Variants in ACTL6A observed in about 807,000 individuals in gnomAD.
ACTL6A encodes the protein actin like 6A.
Under a neutral mutation model 59.2 loss-of-function variants are expected in ACTL6A, and 5 were observed. The ratio of observed to expected loss-of-function variants is 0.08; its 90% CI spans 0.04 to 0.18. The LOEUF (loss-of-function observed/expected upper bound fraction) is 0.18, where lower values mean the gene tolerates loss of function less well. Ranked by LOEUF, ACTL6A falls within the 10% of genes least tolerant of loss-of-function variation. The pLI is 1.00. For missense variants in ACTL6A, 285 were observed against 526.9 expected, an observed-to-expected ratio of 0.54 and a Z score of 4.49; for synonymous variants, 154 against 171.8, an observed-to-expected ratio of 0.90 and a Z score of 0.81.
chr3:179,579,130 G>A (rs1021025192), intron 8 of ACTL6A, among the ~76,000 whole-genome samples: 3 of 152,172 alleles, frequency 2.0e-5, no homozygotes, highest in Admixed American at 6.5e-5. Flanking sequence ...TCATTTATCT[G>A]ATGGTCAGTG....
At chr3:179,586,675 A>C (rs1469578746) in intron 13 of ACTL6A, 43 bp downstream of exon 13, 1 of 1,433,084 alleles carries the variant, frequency 7.0e-7, no homozygotes, top group Non-Finnish European at 9.6e-7. Flanking sequence ...TTACTGAATT[A>C]TACTAAATTT....
chr3:179,568,715 A>G (rs1345488428), intron 1 of ACTL6A, among the ~76,000 whole-genome samples: 2 of 152,178 alleles, frequency 1.3e-5, no homozygotes, highest in Non-Finnish European at 2.9e-5. Context: ...ATTATTGCTT[A>G]TCTATTTCCC....
At chr3:179,569,717 G>C in intron 1 of ACTL6A, 107 bp from the exon 2 acceptor site, 1 of 915,248 alleles carries the variant, frequency 1.1e-6, no homozygotes, top group Non-Finnish European at 1.8e-6. Flanking sequence ...TTGGAAGACT[G>C]AGGCGGGAGG....
At chr3:179,584,436 A>C (rs1357596554) in intron 12 of ACTL6A, 1 of 152,220 alleles carries the variant, frequency 6.6e-6, no homozygotes, top group African/African-American at 2.4e-5. Flanking sequence ...CCTGGCCAAC[A>C]TGGTGAAACC....
chr3:179,577,099 T>A (rs1438824275), intron 8 of ACTL6A, among the ~76,000 whole-genome samples, 186 bp downstream of exon 8: 1 of 152,194 alleles, frequency 6.6e-6, no homozygotes, highest in Admixed American at 6.5e-5. Flanking sequence ...GGTCACACTC[T>A]ATATTTTTAA....
In ACTL6A at chr3:179,581,018, C is replaced by G. The variant is rs368276071; in HGVS notation, c.945+10C>G. On this transcript the variant is annotated intron_variant, in intron 10 of 13. Coordinates refer to ENST00000429709, the MANE Select transcript of ACTL6A (RefSeq NM_004301.5). The stretch of plus-strand genomic sequence containing the variant: ...CCCTTCCAATGTAAAGGTATAAAAG[C>G]TTATTTCATAATTAGCCTGGCTTTT... The G allele has an allele frequency of 1.4e-5, 22 of 1,597,068 alleles. No homozygotes were observed. The highest frequency in any genetic ancestry group is 7.9e-5 in the South Asian group (7 of 88,308).
intron 4 of ACTL6A, 114 bp from the exon 5 acceptor site, chr3:179,574,251 GTATTT>G: frequency 2.0e-6 from 1 of 500,810 alleles, no homozygotes; most frequent in South Asian, 3.9e-5. Context: ...ATTTCCCATG[GTATTT>G]TATTCTGTTC....
At chr3:179,575,709 A>G (rs1234109540) in intron 5 of ACTL6A, among the ~76,000 whole-genome samples, 1 of 152,202 alleles carries the variant, frequency 6.6e-6, no homozygotes, top group East Asian at 1.9e-4. Flanking sequence ...TGTGGAATTC[A>G]CCTGGAATAG....
At chr3:179,577,593 AC>A (rs1718205869) in intron 8 of ACTL6A, among the ~76,000 whole-genome samples, 1 of 152,148 alleles carries the variant, frequency 6.6e-6, no homozygotes, top group Admixed American at 6.5e-5. Flanking sequence ...TCCCCCAGGT[AC>A]TAAGCCTAGT....
intron 13 of ACTL6A, among the ~76,000 whole-genome samples, chr3:179,587,396 A>G (rs900245016): frequency 1.3e-5 from 2 of 152,164 alleles, no homozygotes; most frequent in African/African-American, 4.8e-5. Flanking sequence ...CTTCCTTGCC[A>G]GATATTTTCT....
chr3:179,587,575 A>C (rs958764600), intron 13 of ACTL6A, among the ~76,000 whole-genome samples: 5 of 152,054 alleles, frequency 3.3e-5, no homozygotes, highest in Non-Finnish European at 5.9e-5. Context: ...AGTTACGAAA[A>C]TAAGATATTA....
intron 12 of ACTL6A, chr3:179,584,423 C>T (rs1263389695): frequency 2.0e-5 from 3 of 152,086 alleles, no homozygotes; most frequent in East Asian, 1.9e-4. Flanking sequence ...TCAGGGAGAC[C>T]AGCCTGGCCA....
intron 11 of ACTL6A, among the ~76,000 whole-genome samples, chr3:179,582,811 A>G (rs1270420811): frequency 6.6e-6 from 1 of 152,212 alleles, no homozygotes; most frequent in African/African-American, 2.4e-5. Context: ...TATAAAATGT[A>G]CTTCTAATTA....
chr3:179,574,355 TC>T lies in ACTL6A; in HGVS notation c.379-11del. On this transcript the variant is annotated splice_polypyrimidine_tract_variant and intron_variant, in intron 4 of 13. Transcript: ENST00000429709. ...ATTCTTAATAACTTGCATTTCTTTTTCCCCTCTTCTCAAGTGGAATACTAGA... is the reference window on the plus strand; with the variant it reads ...ATTCTTAATAACTTGCATTTCTTTTTCCCTCTTCTCAAGTGGAATACTAGA... 1 of 1,535,606 alleles carries T rather than the reference TC, an allele frequency of 6.5e-7. No homozygotes were observed. Among genetic ancestry groups the T allele is most frequent in the Non-Finnish European group, 9.0e-7 (1 of 1,110,176 alleles).
At chr3:179,583,036 C>A (rs1415840163) in intron 11 of ACTL6A, among the ~76,000 whole-genome samples, 1 of 152,054 alleles carries the variant, frequency 6.6e-6, no homozygotes, top group African/African-American at 2.4e-5. Context: ...TGCCTGTGCC[C>A]GTGAATAGCC....
chr3:179,583,082 G>T (rs878906854), intron 11 of ACTL6A, among the ~76,000 whole-genome samples: 2 of 152,074 alleles, frequency 1.3e-5, no homozygotes, highest in African/African-American at 2.4e-5. Context: ...ACGAGACCCC[G>T]TCTCTAAAAG....
chr3:179,584,217 T>A (rs1226453170), intron 12 of ACTL6A: 1 of 152,244 alleles, frequency 6.6e-6, no homozygotes, highest in East Asian at 1.9e-4. Flanking sequence ...ATGTTTGTTT[T>A]AAAAAGATCA....
chr3:179,565,321 C>T (rs1197049668), intron 1 of ACTL6A, among the ~76,000 whole-genome samples: 1 of 151,826 alleles, frequency 6.6e-6, no homozygotes. Flanking sequence ...CCTGGAGTCC[C>T]AGCTGCTGGG....
In ACTL6A at chr3:179,588,195, ACTTATT is replaced by A. The variant is rs892523511; in HGVS notation, c.*192_*197del. ...TAAGTTTGTGCTTTCCTTGAAATGC[ACTTATT>A]CTTATTACAAGCATTTTATAATTTT... On this transcript the variant is annotated 3_prime_UTR_variant, in exon 14 of 14. Coordinates refer to ENST00000429709, the MANE Select transcript of ACTL6A (RefSeq NM_004301.5). 17 of 461,050 alleles carry A rather than the reference ACTTATT, an allele frequency of 3.7e-5. No homozygotes were observed. The highest frequency in any genetic ancestry group is 8.3e-5 in the Admixed American group (2 of 24,044). 28.6% of individuals were successfully genotyped at this position (461,050 alleles called of 1,614,324 possible).
Sources: allele counts gnomAD v4.1 joint callset (sites outside exome capture counted in the v4.1 genomes callset), GRCh38; gene constraint gnomAD v4.1.1; transcripts MANE v1.5; gene names NCBI Gene and HGNC (gene_info 2026-07-23, HGNC 2026-07-21).